TRAPPC8: variants seen among roughly 807,000 people sequenced by gnomAD.
TRAPPC8 encodes the protein general sporulation gene 1 homolog.
TRAPPC8 carries 54 observed loss-of-function variants against 174.3 expected under a neutral mutation model. That is an observed-to-expected ratio of 0.31 (90% CI 0.25 to 0.39). The LOEUF is 0.39. Ranked by LOEUF, TRAPPC8 falls within the 10% of genes least tolerant of loss-of-function variation. TRAPPC8 has a pLI of 1.00. For synonymous variants in TRAPPC8, 630 were observed against 579.9 expected (o/e 1.09, Z -1.24); for missense variants, 1,531 against 1,699.1 (o/e 0.90, Z 1.74).
At chr18:31,917,928 A>G (rs542416135) in intron 2 of TRAPPC8, among the ~76,000 whole-genome samples, 153 of 152,256 alleles carry the variant, frequency 1.0e-3, no homozygotes, top group African/African-American at 3.6e-3. Flanking sequence ...GTTCGAGACC[A>G]GCCTGGTCAA....
intron 1 of TRAPPC8, among the ~76,000 whole-genome samples, chr18:31,932,350 C>A (rs2037883342): frequency 6.6e-6 from 1 of 151,158 alleles, no homozygotes; most frequent in Non-Finnish European, 1.5e-5. Flanking sequence ...TTGCTTGAAT[C>A]CGGGAGGCGG....
chr18:31,907,691 T>C (rs967425924), intron 8 of TRAPPC8, 81 bp from the exon 9 acceptor site: 3 of 1,216,768 alleles, frequency 2.5e-6, no homozygotes, highest in South Asian at 2.1e-5. Context: ...CAAGCTGCCA[T>C]GTTCTTCTAG....
chr18:31,851,777 G>GAT (rs2145055799), intron 24 of TRAPPC8, among the ~76,000 whole-genome samples: 1 of 152,144 alleles, frequency 6.6e-6, no homozygotes. Flanking sequence ...AATATGATAT[G>GAT]ATATGATACG....
intron 2 of TRAPPC8, among the ~76,000 whole-genome samples, chr18:31,927,183 T>C (rs1428374834): frequency 6.6e-6 from 1 of 152,116 alleles, no homozygotes; most frequent in Non-Finnish European, 1.5e-5. Flanking sequence ...TCACAGCTTT[T>C]TGCACCCTTG....
At chr18:31,883,782 A>C (rs543330642) in intron 12 of TRAPPC8, 4 of 152,246 alleles carry the variant, frequency 2.6e-5, no homozygotes, top group Admixed American at 6.5e-5. Context: ...TAAAAATCTA[A>C]AAGTTTTTAG....
intron 22 of TRAPPC8, among the ~76,000 whole-genome samples, chr18:31,853,548 G>A (rs1416885635): frequency 1.3e-5 from 2 of 152,120 alleles, no homozygotes; most frequent in South Asian, 2.1e-4. Context: ...AATTACAGGC[G>A]TGAGCCACCA....
In TRAPPC8 at chr18:31,931,468, T is replaced by G; in HGVS notation, c.213A>C (p.Ala71=). The G allele has an allele frequency of 6.2e-7, 1 of 1,609,354 alleles. No individual in the cohort carries two copies. The highest frequency in any genetic ancestry group is 8.5e-7 in the Non-Finnish European group (1 of 1,178,404). The change falls in exon 2 of 29, where the codon GCA becomes GCC. Residue 71 remains alanine (A), a synonymous_variant. Coordinates refer to ENST00000283351, the MANE Select transcript of TRAPPC8 (RefSeq NM_014939.5). ...QLHVIKNLKI[A]VSNIVTQPPQ... ...GTGGCTGGGTGACAATGTTGCTTAC[T>G]GCTATCTTCAAATTTTTAATTACGT... is the stretch of plus-strand genomic sequence containing the variant.
chr18:31,899,910 C>T (rs2036342805), intron 10 of TRAPPC8, among the ~76,000 whole-genome samples: 1 of 151,802 alleles, frequency 6.6e-6, no homozygotes. Context: ...CACACCATTG[C>T]ATTCCAGGTG....
intron 11 of TRAPPC8, among the ~76,000 whole-genome samples, chr18:31,894,782 T>C (rs1401947124): frequency 2.6e-5 from 4 of 152,154 alleles, no homozygotes; most frequent in Non-Finnish European, 5.9e-5. Flanking sequence ...AGCTGATAAA[T>C]TTCCCATAAG....
chr18:31,907,710 G>A, intron 8 of TRAPPC8, 100 bp from the exon 9 acceptor site: 2 of 1,012,178 alleles, frequency 2.0e-6, no homozygotes, highest in South Asian at 2.8e-5. Flanking sequence ...AGAATATGAA[G>A]AAAACTAATG....
chr18:31,882,710 G>C (rs2035515297), intron 12 of TRAPPC8, among the ~76,000 whole-genome samples: 1 of 151,796 alleles, frequency 6.6e-6, no homozygotes, highest in African/African-American at 2.4e-5. Flanking sequence ...TCTGCCTCCT[G>C]GGTTCAAGCG....
intron 24 of TRAPPC8, among the ~76,000 whole-genome samples, chr18:31,852,104 T>A (rs532939629): frequency 3.7e-4 from 56 of 151,874 alleles, no homozygotes; most frequent in African/African-American, 1.2e-3. Flanking sequence ...CTTTGGGAGG[T>A]TGAGGCAGGC....
intron 14 of TRAPPC8, among the ~76,000 whole-genome samples, chr18:31,873,184 A>AT (rs1323242948): frequency 6.6e-6 from 1 of 151,044 alleles, no homozygotes; most frequent in East Asian, 2.0e-4. Flanking sequence ...CGCCCAGCTA[A>AT]TTTTTTGTAT....
intron 9 of TRAPPC8, among the ~76,000 whole-genome samples, chr18:31,901,502 C>G (rs2036424076): frequency 6.6e-6 from 1 of 152,126 alleles, no homozygotes; most frequent in Admixed American, 6.5e-5. Context: ...CTAATGACCA[C>G]TGTTTTGGGA....
intron 6 of TRAPPC8, 109 bp from the exon 7 acceptor site, chr18:31,909,119 T>A (rs1346087391): frequency 9.4e-7 from 1 of 1,066,840 alleles, no homozygotes; most frequent in Non-Finnish European, 1.3e-6. Context: ...AAATCCTTTA[T>A]CTTTCAGTAT....
At chr18:31,928,477 A>G (rs2037717858) in intron 2 of TRAPPC8, among the ~76,000 whole-genome samples, 1 of 152,122 alleles carries the variant, frequency 6.6e-6, no homozygotes, top group African/African-American at 2.4e-5. Flanking sequence ...GGCTATGATC[A>G]TACCACTGCA....
Position 31,835,510 on chromosome 18 carries a change from A to G in TRAPPC8, c.3984-3337T>C, listed in dbSNP as rs522046. 4.0e-3 allele frequency among the ~76,000 whole-genome samples: 611 copies of G among 152,250 alleles called. 3 individuals are homozygous for G. The highest frequency in any genetic ancestry group is 0.014 in the African/African-American group (582 of 41,528). The stretch of plus-strand genomic sequence containing the variant: ...AAAACTCAGCCACACAACTTCCATG[A>G]CCAAACCATGAAATTTTTTCCCATC... On this transcript the variant is annotated intron_variant, in intron 27 of 28. Coordinates refer to ENST00000283351, the MANE Select transcript of TRAPPC8 (RefSeq NM_014939.5).
chr18:31,860,653 T>C (rs2034278951), intron 19 of TRAPPC8, among the ~76,000 whole-genome samples: 1 of 152,224 alleles, frequency 6.6e-6, no homozygotes, highest in African/African-American at 2.4e-5. Flanking sequence ...ATGAATTTTT[T>C]CACCAGTTTT....
chr18:31,849,955 A>G (rs551992631), intron 24 of TRAPPC8, among the ~76,000 whole-genome samples: 2 of 151,590 alleles, frequency 1.3e-5, no homozygotes, highest in South Asian at 2.1e-4. Context: ...ATTACCCTAA[A>G]TCTTTTTTTT....
Sources: gnomAD v4.1 joint callset for allele counts (sites outside exome capture counted in the v4.1 genomes callset) on GRCh38, gnomAD v4.1.1 for gene constraint, MANE v1.5 for transcripts, NCBI Gene and HGNC (gene_info 2026-07-23, HGNC 2026-07-21) for gene names.